RHOBTB1: variants seen among roughly 807,000 people sequenced by gnomAD.
RHOBTB1 encodes rho-related BTB domain-containing protein 1.
RHOBTB1 carries 40 observed loss-of-function variants against 71.6 expected under a neutral mutation model. The ratio of observed to expected loss-of-function variants is 0.56; its 90% CI spans 0.43 to 0.73. The LOEUF is 0.73. Ranked by LOEUF, RHOBTB1 falls within the 30% of genes least tolerant of loss-of-function variation. RHOBTB1 has a pLI of 0.00. For synonymous variants in RHOBTB1, 319 were observed against 334.9 expected (o/e 0.95, Z 0.52); for missense variants, 797 against 894.0 (o/e 0.89, Z 1.38).
chr10:60,980,164 G>T (rs1402881309), intron 2 of RHOBTB1, among the ~76,000 whole-genome samples: 1 of 152,176 alleles, frequency 6.6e-6, no homozygotes, highest in Non-Finnish European at 1.5e-5. Flanking sequence ...AAAATTAATA[G>T]TTCAACTCTC....
intron 2 of RHOBTB1, among the ~76,000 whole-genome samples, chr10:60,919,888 G>A (rs766451950): frequency 1.1e-4 from 16 of 152,132 alleles, no homozygotes; most frequent in South Asian, 2.1e-4. Context: ...CTTATGTGCT[G>A]TTCTTAATAA....
intron 2 of RHOBTB1, among the ~76,000 whole-genome samples, chr10:60,917,519 C>G (rs1470326817): frequency 6.6e-6 from 1 of 152,162 alleles, no homozygotes; most frequent in Non-Finnish European, 1.5e-5. Context: ...GGTGAGGGCT[C>G]TCTTCCTGGC....
At chr10:60,951,746 CAATGGTTGTTAATAATGGTA>C (rs1197046935) in intron 2 of RHOBTB1, among the ~76,000 whole-genome samples, 2,295 of 151,896 alleles carry the variant, frequency 0.015, 67 homozygotes, top group African/African-American at 0.052. Context: ...GGAAAGTGCC[CAATGGTTGTTAATAATGGTA>C]AATGGTTGTT....
chr10:60,935,444 A>T (rs1208957137), intron 2 of RHOBTB1, among the ~76,000 whole-genome samples: 4 of 152,112 alleles, frequency 2.6e-5, no homozygotes, highest in Admixed American at 6.6e-5. Context: ...TTATATACTG[A>T]TAATTTTTTT....
upstream of RHOBTB1, among the ~76,000 whole-genome samples, chr10:60,945,218 C>T (rs554675658): frequency 2.0e-3 from 303 of 152,294 alleles, 1 homozygote; most frequent in African/African-American, 6.8e-3. Flanking sequence ...CCCATCACTC[C>T]TAGCCTGTAA....
At chr10:60,941,710 C>T (rs1396640486) in intron 2 of RHOBTB1, 94 bp downstream of exon 2, 1 of 152,170 alleles carries the variant, frequency 6.6e-6, no homozygotes, top group East Asian at 1.9e-4. Flanking sequence ...TTTTAAAAGA[C>T]AAATGATTAA....
At chr10:60,948,587 G>A (rs1414213149), upstream of RHOBTB1, among the ~76,000 whole-genome samples, 1 of 152,238 alleles carries the variant, frequency 6.6e-6, no homozygotes, top group Non-Finnish European at 1.5e-5. Flanking sequence ...ATGTGATGCT[G>A]TCATTGGCTA....
At chr10:60,950,504 C>G (rs563436210) in intron 2 of RHOBTB1, among the ~76,000 whole-genome samples, 21 of 152,084 alleles carry the variant, frequency 1.4e-4, no homozygotes, top group Non-Finnish European at 2.9e-4. Context: ...TTAAAGGGAT[C>G]AGAGGGTAAC....
chr10:60,898,333 T>C (rs1416811965), intron 4 of RHOBTB1, among the ~76,000 whole-genome samples: 1 of 152,140 alleles, frequency 6.6e-6, no homozygotes, highest in Non-Finnish European at 1.5e-5. Context: ...TTCAAAACCA[T>C]TCATGTCGAC....
Position 60,892,998 on chromosome 10 carries a change from A to G in RHOBTB1, c.297-3T>C, listed in dbSNP as rs1293706990. The G allele has an allele frequency of 1.2e-6, 2 of 1,606,484 alleles. No individual in the cohort carries two copies. Among genetic ancestry groups the G allele is most frequent in the Admixed American group, 3.4e-5 (2 of 58,318 alleles). On this transcript the variant is annotated splice_polypyrimidine_tract_variant and splice_region_variant and intron_variant, in intron 4 of 10. Transcript: ENST00000337910. ...AACAGAGGACCACAACATCAGACCT[A>G]AAAGGAAATCATAAAAGAAGCTTGT...
intron 5 of RHOBTB1, among the ~76,000 whole-genome samples, chr10:60,890,350 C>T (rs960358830): frequency 1.1e-4 from 16 of 152,076 alleles, no homozygotes; most frequent in Non-Finnish European, 4.4e-5. Flanking sequence ...AAAGTCTTTA[C>T]ATAACACAAC....
intron 2 of RHOBTB1, among the ~76,000 whole-genome samples, chr10:60,919,448 T>A (rs1261528914): frequency 6.6e-6 from 1 of 152,142 alleles, no homozygotes; most frequent in Admixed American, 6.5e-5. Flanking sequence ...GTGGGAGCTG[T>A]TTCATACATA....
At chr10:60,927,611 G>A (rs1167650912) in intron 2 of RHOBTB1, among the ~76,000 whole-genome samples, 1 of 152,102 alleles carries the variant, frequency 6.6e-6, no homozygotes, top group Non-Finnish European at 1.5e-5. Flanking sequence ...CATACACTGG[G>A]GAAAAGGCAG....
chr10:60,891,422 C>T (rs538623322), intron 5 of RHOBTB1, among the ~76,000 whole-genome samples: 2 of 147,380 alleles, frequency 1.4e-5, no homozygotes, highest in South Asian at 4.3e-4. Flanking sequence ...CCCACTGCAG[C>T]CTTGTCCTCC....
chr10:60,910,030 A>G (rs1049361215), intron 4 of RHOBTB1, among the ~76,000 whole-genome samples: 21 of 152,206 alleles, frequency 1.4e-4, no homozygotes, highest in African/African-American at 3.9e-4. Flanking sequence ...TGCTTGGAGT[A>G]CCTAACTAAT....
At chr10:60,997,064 T>TACACACACACAC (rs3049452) in intron 1 of RHOBTB1, among the ~76,000 whole-genome samples, 1 of 144,838 alleles carries the variant, frequency 6.9e-6, no homozygotes, top group African/African-American at 2.5e-5. Flanking sequence ...CATGGTTATG[T>TACACACACACAC]ACACACACAC....
Position 60,980,726 on chromosome 10 carries a change from T to C in RHOBTB1, c.-62+5119A>G, listed in dbSNP as rs116773384. Among the ~76,000 whole-genome samples, 262 of 152,280 alleles carry C rather than the reference T, an allele frequency of 1.7e-3. 1 individual carries two copies. The highest frequency in any genetic ancestry group is 5.6e-3 in the African/African-American group (231 of 41,560). Reference sequence around the variant, plus strand: ...GAAAAACCTAAACATTGATGAAAGGTGAATTTAGAATTTAGCCTTCTACTC... The same window carrying C: ...GAAAAACCTAAACATTGATGAAAGGCGAATTTAGAATTTAGCCTTCTACTC... On this transcript the variant is annotated intron_variant, in intron 2 of 11. Transcript: ENST00000357917.
intron 2 of RHOBTB1, among the ~76,000 whole-genome samples, chr10:60,959,174 A>T (rs2085697597): frequency 6.6e-6 from 1 of 152,196 alleles, no homozygotes; most frequent in Non-Finnish European, 1.5e-5. Flanking sequence ...GTGACTAAAA[A>T]AATACAAAAC....
intron 1 of RHOBTB1, among the ~76,000 whole-genome samples, chr10:60,943,658 C>A (rs902440275): frequency 2.6e-5 from 4 of 152,230 alleles, no homozygotes; most frequent in Non-Finnish European, 5.9e-5. Context: ...GGCACCACCC[C>A]CTCCCTGGCG....
Sources: gnomAD v4.1 joint callset for allele counts (sites outside exome capture counted in the v4.1 genomes callset) on GRCh38, gnomAD v4.1.1 for gene constraint, MANE v1.5 for transcripts, NCBI Gene and HGNC (gene_info 2026-07-23, HGNC 2026-07-21) for gene names.